The following TTC39C variants were observed in gnomAD, a reference collection of about 807,000 sequenced individuals.
TTC39C encodes the protein tetratricopeptide repeat domain 39C.
Under a neutral mutation model 76.3 loss-of-function variants are expected in TTC39C, and 33 were observed. The observed-to-expected ratio is 0.43, with a 90% confidence interval of 0.33 to 0.58. The LOEUF is 0.58. Ranked by LOEUF, TTC39C falls within the 20% of genes least tolerant of loss-of-function variation. TTC39C has a pLI of 0.04. For synonymous variants in TTC39C, 254 were observed against 260.6 expected (o/e 0.97, Z 0.24); for missense variants, 595 against 701.4 (o/e 0.85, Z 1.71).
chr18:24,057,696 T>G (rs1215508603), intron 1 of TTC39C, among the ~76,000 whole-genome samples: 2 of 152,246 alleles, frequency 1.3e-5, no homozygotes, highest in African/African-American at 4.8e-5. Context: ...TTATTTCCAC[T>G]TTGTGGCTAG....
intron 1 of TTC39C, among the ~76,000 whole-genome samples, chr18:24,023,950 G>GTATATATATATATATATA (rs1157099825): frequency 5.9e-5 from 1 of 16,904 alleles, no homozygotes; most frequent in African/African-American, 1.0e-4. Context: ...ATATATGCAT[G>GTATATATATATATATATA]TATATATATA....
intron 6 of TTC39C, among the ~76,000 whole-genome samples, chr18:24,106,966 T>G (rs2084751751): frequency 6.6e-6 from 1 of 152,180 alleles, no homozygotes; most frequent in Non-Finnish European, 1.5e-5. Context: ...ATTACAGGTG[T>G]GAGCCACCGT....
At chr18:24,109,460 A>G (rs1434813540) in intron 6 of TTC39C, among the ~76,000 whole-genome samples, 1 of 152,220 alleles carries the variant, frequency 6.6e-6, no homozygotes, top group Non-Finnish European at 1.5e-5. Flanking sequence ...AGAATTGGGT[A>G]GTATTGTCTA....
At chr18:24,093,600 G>A (rs951308112) in intron 6 of TTC39C, among the ~76,000 whole-genome samples, 3 of 152,060 alleles carry the variant, frequency 2.0e-5, no homozygotes, top group Admixed American at 6.6e-5. Flanking sequence ...AGATATACAG[G>A]CATACATCAG....
intron 6 of TTC39C, among the ~76,000 whole-genome samples, chr18:24,105,364 A>G (rs1227601368): frequency 6.6e-6 from 1 of 152,238 alleles, no homozygotes; most frequent in Non-Finnish European, 1.5e-5. Context: ...CTGTTGGTAC[A>G]TATGGATAGT....
At chr18:24,093,201 C>T (rs532247932) in intron 6 of TTC39C, among the ~76,000 whole-genome samples, 3 of 152,032 alleles carry the variant, frequency 2.0e-5, no homozygotes, top group South Asian at 2.1e-4. Context: ...AAGTATTGGC[C>T]GGGTGCAGTG....
At chr18:24,029,685 T>G (rs28464367) in intron 1 of TTC39C, among the ~76,000 whole-genome samples, 123,836 of 145,702 alleles carry the variant, frequency 0.85, 54,216 homozygotes, top group Non-Finnish European at 0.97. Flanking sequence ...GTCCCCAAAG[T>G]CTATTGTCAT....
At chr18:24,027,206 C>T (rs1454389749) in intron 1 of TTC39C, among the ~76,000 whole-genome samples, 3 of 151,906 alleles carry the variant, frequency 2.0e-5, no homozygotes, top group African/African-American at 4.8e-5. Context: ...GCAGGAGAAT[C>T]GCTTGAACCC....
chr18:24,077,267 A>T lies in TTC39C; in HGVS notation c.461-3318A>T, dbSNP rs578158931. The T allele has an allele frequency of 2.0e-5, 3 of 152,330 alleles. No individual in the cohort carries two copies. The East Asian group carries it at 5.8e-4, about 29-fold the overall frequency. 9.4% of individuals were successfully genotyped at this position (152,330 alleles called of 1,614,324 possible). On this transcript the variant is annotated intron_variant, in intron 4 of 13. Transcript: ENST00000317571. Reference sequence around the variant, plus strand: ...TAATAAAGCTGAGGTAGCCTGGAAAATACAGGATAAAATGGAGTTAAATTT... The same window carrying T: ...TAATAAAGCTGAGGTAGCCTGGAAATTACAGGATAAAATGGAGTTAAATTT...
At chr18:24,088,805 T>G (rs561402484) in intron 6 of TTC39C, among the ~76,000 whole-genome samples, 2 of 152,306 alleles carry the variant, frequency 1.3e-5, no homozygotes, top group African/African-American at 4.8e-5. Context: ...GGGTGGAGGT[T>G]CTTCCCCCTC....
chr18:24,074,565 G>A (rs2084279912), intron 4 of TTC39C, among the ~76,000 whole-genome samples: 2 of 152,090 alleles, frequency 1.3e-5, no homozygotes, highest in South Asian at 2.1e-4. Context: ...CATCATCACC[G>A]GCCATCAGAG....
chr18:24,123,242 T>A (rs1290912913), intron 8 of TTC39C, among the ~76,000 whole-genome samples: 1 of 152,106 alleles, frequency 6.6e-6, no homozygotes, highest in Non-Finnish European at 1.5e-5. Context: ...GCTAAGGATT[T>A]TGTTATGTGA....
At chr18:24,044,479 G>A (rs780049194) in intron 1 of TTC39C, among the ~76,000 whole-genome samples, 4 of 152,184 alleles carry the variant, frequency 2.6e-5, no homozygotes, top group East Asian at 3.9e-4. Context: ...AGGGTGCACC[G>A]CTTTTGCGGC....
At chr18:24,130,258 G>T in intron 11 of TTC39C, 55 bp from the exon 12 acceptor site, 49 of 864,878 alleles carry the variant, frequency 5.7e-5, no homozygotes, top group Non-Finnish European at 7.9e-5. Context: ...ATTATAATAA[G>T]CCTTATGCTA....
chr18:24,131,946 C>T (rs1443948630), intron 13 of TTC39C, 26 bp downstream of exon 13: 2 of 1,610,008 alleles, frequency 1.2e-6, no homozygotes, highest in African/African-American at 1.3e-5. Flanking sequence ...CTACCTTTCT[C>T]CAGTGGCCCT....
chr18:24,049,363 C>T (rs1226023777), intron 1 of TTC39C, among the ~76,000 whole-genome samples: 2 of 152,228 alleles, frequency 1.3e-5, no homozygotes, highest in African/African-American at 4.8e-5. Context: ...AGCTCTGTAA[C>T]ATGGAAAGAA....
intron 6 of TTC39C, among the ~76,000 whole-genome samples, chr18:24,098,857 C>T (rs1435537819): frequency 1.3e-5 from 2 of 151,796 alleles, no homozygotes; most frequent in Non-Finnish European, 2.9e-5. Flanking sequence ...GTATCGAACT[C>T]CTGACCTCAA....
At chr18:24,097,647 C>T (rs979207873) in intron 6 of TTC39C, among the ~76,000 whole-genome samples, 10 of 151,816 alleles carry the variant, frequency 6.6e-5, no homozygotes, top group East Asian at 3.9e-4. Flanking sequence ...TGTAGATGGT[C>T]TGCCACCATG....
intron 1 of TTC39C, among the ~76,000 whole-genome samples, chr18:24,053,504 A>G (rs2083978492): frequency 6.6e-6 from 1 of 152,224 alleles, no homozygotes; most frequent in African/African-American, 2.4e-5. Flanking sequence ...TTGCTGCAAC[A>G]TCTTTGAATT....
Sources: gnomAD v4.1 joint callset for allele counts (sites outside exome capture counted in the v4.1 genomes callset) on GRCh38, gnomAD v4.1.1 for gene constraint, MANE v1.5 for transcripts, NCBI Gene and HGNC (gene_info 2026-07-23, HGNC 2026-07-21) for gene names.